PIK3R6: variants seen among roughly 807,000 people sequenced by gnomAD.
The protein encoded by PIK3R6 is phosphoinositide 3-kinase regulatory subunit 6.
Under a neutral mutation model 84.9 loss-of-function variants are expected in PIK3R6, and 91 were observed. The observed-to-expected ratio is 1.07, with a 90% CI of 0.90 to 1.28. The LOEUF is 1.28. Among genes scored for constraint, PIK3R6 ranks in the 50% most tolerant of loss-of-function variants. PIK3R6 has a pLI of 0.00. For missense variants in PIK3R6, 996 were observed against 985.1 expected, an observed-to-expected ratio of 1.01 and a Z score of -0.15; for synonymous variants, 416 against 411.4, an observed-to-expected ratio of 1.01 and a Z score of -0.13.
chr17:8,822,054 T>C (rs2087752011), intron 16 of PIK3R6, 118 bp from the exon 17 acceptor site: 4 of 151,816 alleles, frequency 2.6e-5, no homozygotes, highest in East Asian at 3.2e-4. Flanking sequence ...GTGAGAGTCT[T>C]TTTTTTTTTT....
chr17:8,828,576 T>C lies in PIK3R6; in HGVS notation c.1304A>G (p.His435Arg). The part of the protein sequence containing the change: ...RMLGRLAQAY[H>R]RLRKRETQKF... Reference sequence around the variant, plus strand: ...CACGTCGGGGCCCCACCTGAGTCTGTGGTAGGCCTGGGCCAGGCGCCCCAG... The same window carrying C: ...CACGTCGGGGCCCCACCTGAGTCTGCGGTAGGCCTGGGCCAGGCGCCCCAG... The change falls in exon 11 of 20, where the codon CAC becomes CGC. Residue 435 changes from histidine to arginine, a missense_variant. His to Arg is a conservative substitution (Grantham distance 29). Coordinates refer to ENST00000619866, the MANE Select transcript of PIK3R6 (RefSeq NM_001010855.4). 6.2e-7 allele frequency: 1 copy of C among 1,612,450 alleles called. No homozygotes were observed. The highest frequency in any genetic ancestry group is 1.1e-5 in the South Asian group (1 of 91,024).
At position 8,803,236 on chromosome 17, in the gene PIK3R6, GT is replaced by G; in HGVS notation, c.*36del. 6.2e-7 allele frequency: 1 copy of G among 1,610,332 alleles called. No individual in the cohort carries two copies. Among genetic ancestry groups the G allele is most frequent in the South Asian group, 1.1e-5 (1 of 90,888 alleles). On this transcript the variant is annotated 3_prime_UTR_variant, in exon 20 of 20. Transcript: ENST00000619866. This position sits in a 1 kb window ranked among gnomAD's most constrained non-coding sequence, Gnocchi z 5.0. ...GTGAGTGTTTGGAGTTGGTGGGGTA[GT>G]GTATCCTTCCTCCTGGGCCTGCTGT...
In PIK3R6 at chr17:8,815,530, C is replaced by T. The variant is rs538487134; in HGVS notation, c.1995+3553G>A. Among the ~76,000 whole-genome samples the T allele has an allele frequency of 4.6e-5, 7 of 151,558 alleles. No homozygotes were observed. The South Asian group carries it at 8.3e-4, about 18-fold the overall frequency. On this transcript the variant is annotated intron_variant, in intron 18 of 19. Coordinates refer to ENST00000619866, the MANE Select transcript of PIK3R6 (RefSeq NM_001010855.4). Reference sequence around the variant, plus strand: ...AGAAAAAAAAAAAAAAGGTTGATCACGTACCAGGCAACAAAGAAAATGTCA... The same window carrying T: ...AGAAAAAAAAAAAAAAGGTTGATCATGTACCAGGCAACAAAGAAAATGTCA...
chr17:8,849,812 G>A lies in PIK3R6; in HGVS notation c.-18C>T, dbSNP rs2088900567. Reference sequence around the variant, plus strand: ...CTCTCCATGGGAGCCTTTGGGTGTAGGAGGAGGAGGATGTGGTTGTCTCGG... The same window carrying A: ...CTCTCCATGGGAGCCTTTGGGTGTAAGAGGAGGAGGATGTGGTTGTCTCGG... On this transcript the variant is annotated 5_prime_UTR_variant, in exon 2 of 20. Coordinates refer to ENST00000619866, the MANE Select transcript of PIK3R6 (RefSeq NM_001010855.4). 2 of 1,607,518 alleles carry A rather than the reference G, an allele frequency of 1.2e-6. No homozygotes were observed. The highest frequency in any genetic ancestry group is 2.2e-5 in the East Asian group (1 of 44,674).
rs1027983275 is a variant in PIK3R6, at chr17:8,836,852, G to A, written c.330C>T (p.Thr110=). 5 of 1,584,136 alleles carry A rather than the reference G, an allele frequency of 3.2e-6. No individual in the cohort carries two copies. Among genetic ancestry groups the A allele is most frequent in the South Asian group, 2.3e-5 (2 of 86,820 alleles). Residue 110 remains threonine, a synonymous_variant, in exon 6 of 20, where the codon ACC becomes ACT. Coordinates refer to ENST00000619866, the MANE Select transcript of PIK3R6 (RefSeq NM_001010855.4). ...AFCTRLLTLP[T]PYCTVALDCA... ...AGTCCAAGGCGACTGTGCAGTAGGGGGTGGGCAGGGTCAGTAACCTTGTGC... is the reference window on the plus strand; with the variant it reads ...AGTCCAAGGCGACTGTGCAGTAGGGAGTGGGCAGGGTCAGTAACCTTGTGC...
chr17:8,825,278 C>A (rs1246860026), intron 13 of PIK3R6, among the ~76,000 whole-genome samples: 1 of 152,042 alleles, frequency 6.6e-6, no homozygotes, highest in African/African-American at 2.4e-5. Flanking sequence ...AAATTTCAAT[C>A]GAAATCCAAT....
At chr17:8,858,088 T>G (rs931128289) in intron 1 of PIK3R6, among the ~76,000 whole-genome samples, 7 of 152,164 alleles carry the variant, frequency 4.6e-5, no homozygotes, top group Admixed American at 6.5e-5. Flanking sequence ...ACCTTTGTGG[T>G]CGATTTCCTG....
In PIK3R6 at chr17:8,823,102, G is replaced by T; in HGVS notation, c.1627-16C>A. The stretch of plus-strand genomic sequence containing the variant: ...TGAAAAAGATCTGGAGAGAGGAAGG[G>T]AGGGTGGCATTTCCTGGTGTGATTT... On this transcript the variant is annotated splice_polypyrimidine_tract_variant and intron_variant, in intron 14 of 19. Coordinates refer to ENST00000619866, the MANE Select transcript of PIK3R6 (RefSeq NM_001010855.4). 6.4e-7 allele frequency: 1 copy of T among 1,559,692 alleles called. No individual in the cohort carries two copies. Among genetic ancestry groups the T allele is most frequent in the Non-Finnish European group, 8.8e-7 (1 of 1,130,804 alleles).
intron 13 of PIK3R6, among the ~76,000 whole-genome samples, chr17:8,824,650 G>A (rs142053214): frequency 4.1e-4 from 62 of 152,316 alleles, no homozygotes; most frequent in Non-Finnish European, 7.1e-4. Context: ...AAGGAGAAGG[G>A]GAAAACCAAA....
chr17:8,821,118 TG>T (rs1326834416), intron 17 of PIK3R6, among the ~76,000 whole-genome samples: 2 of 152,210 alleles, frequency 1.3e-5, no homozygotes, highest in Non-Finnish European at 2.9e-5. Context: ...TGCTCCAAAA[TG>T]ATCTTCTACA....
rs1341959617 is a variant in PIK3R6 at position 8,803,941 on chromosome 17, G to A, written c.2108+100C>T. On this transcript the variant is annotated intron_variant, in intron 19 of 19. Coordinates refer to ENST00000619866, the MANE Select transcript of PIK3R6 (RefSeq NM_001010855.4). This position sits in a 1 kb window ranked among gnomAD's most constrained non-coding sequence, Gnocchi z 5.0. The stretch of plus-strand genomic sequence containing the variant: ...CCTGGCCACAGGATCTACCTCCGAT[G>A]AGGTGCCTTGAGCTAGAGGCAGGAG... The A allele has an allele frequency of 9.8e-7, 1 of 1,022,012 alleles. No homozygotes were observed. The highest frequency in any genetic ancestry group is 1.4e-5 in the South Asian group (1 of 71,308). 63.3% of individuals were successfully genotyped at this position (1,022,012 alleles called of 1,614,324 possible).
Position 8,836,902 on chromosome 17 carries a change from G to T in PIK3R6, c.280C>A (p.Leu94Ile), listed in dbSNP as rs1308641325. The T allele has an allele frequency of 1.3e-6, 2 of 1,553,400 alleles. No individual in the cohort carries two copies. Among genetic ancestry groups the T allele is most frequent in the Admixed American group, 2.0e-5 (1 of 51,034 alleles). Residue 94 changes from leucine (L) to isoleucine (I), a missense_variant, in exon 6 of 20, where the codon CTC (leucine) becomes ATC (isoleucine). By Grantham distance (5) the Leu-to-Ile change is conservative. Transcript: ENST00000619866. ...CAAAAGGCATAGATTCTCTGGTAGA[G>T]CTCTTCTGTGATTCCTGTGGCCTGG... The part of the protein sequence containing the change: ...LTKATGITEE[L>I]YQRIYAFCTR...
At chr17:8,845,191 T>A (rs1214771151) in intron 2 of PIK3R6, among the ~76,000 whole-genome samples, 1 of 152,196 alleles carries the variant, frequency 6.6e-6, no homozygotes, top group Non-Finnish European at 1.5e-5. Context: ...ATATACCCAG[T>A]AGTGGGATTG....
chr17:8,803,227 G>T lies in PIK3R6; in HGVS notation c.*46C>A. 6.2e-7 allele frequency: 1 copy of T among 1,607,048 alleles called. No individual in the cohort carries two copies. Among genetic ancestry groups the T allele is most frequent in the African/African-American group, 1.3e-5 (1 of 74,812 alleles). ...GCTGTTGGTGTGAGTGTTTGGAGTT[G>T]GTGGGGTAGTGTATCCTTCCTCCTG... On this transcript the variant is annotated 3_prime_UTR_variant, in exon 20 of 20. Transcript: ENST00000619866. The surrounding 1 kb of genome is among the most constrained non-coding windows in gnomAD (Gnocchi z 5.0).
At position 8,839,730 on chromosome 17, in the gene PIK3R6, T is replaced by G; in HGVS notation, c.14-33A>C. On this transcript the variant is annotated intron_variant, in intron 2 of 19. Coordinates refer to ENST00000619866, the MANE Select transcript of PIK3R6 (RefSeq NM_001010855.4). This position sits in a 1 kb window ranked among gnomAD's most constrained non-coding sequence, Gnocchi z 4.2. ...GTGGTAGGGGTGGGAGGAAACTCAGTCCACTGAACCTCACCCTCGTCCCAC... is the reference window on the plus strand; with the variant it reads ...GTGGTAGGGGTGGGAGGAAACTCAGGCCACTGAACCTCACCCTCGTCCCAC... The G allele has an allele frequency of 6.6e-7, 1 of 1,517,630 alleles. No individual in the cohort carries two copies. Among genetic ancestry groups the G allele is most frequent in the Non-Finnish European group, 8.9e-7 (1 of 1,117,932 alleles). 94.0% of individuals were successfully genotyped at this position (1,517,630 alleles called of 1,614,324 possible). A position where few individuals can be genotyped will look rare whatever the true frequency, so the allele number is the denominator to read the frequency against.
intron 18 of PIK3R6, among the ~76,000 whole-genome samples, chr17:8,817,908 GTT>G (rs60604295): frequency 2.9e-5 from 4 of 136,044 alleles, no homozygotes; most frequent in East Asian, 2.1e-4. Flanking sequence ...TGGCAGAGTT[GTT>G]TTTTTTTTTT....
In PIK3R6 at chr17:8,839,587, C is replaced by A; in HGVS notation, c.97+27G>T. On this transcript the variant is annotated intron_variant, in intron 3 of 19. Transcript: ENST00000619866. The surrounding 1 kb of genome is among the most constrained non-coding windows in gnomAD (Gnocchi z 4.2). The stretch of plus-strand genomic sequence containing the variant: ...GGGGTTGGGTGGAGGTCAGAGGGAC[C>A]AGCTGCTGCTGCCAGCTGGCTCTTA... The A allele has an allele frequency of 6.5e-7, 1 of 1,543,300 alleles. No individual in the cohort carries two copies. Among genetic ancestry groups the A allele is most frequent in the Non-Finnish European group, 8.8e-7 (1 of 1,140,070 alleles).
intron 17 of PIK3R6, among the ~76,000 whole-genome samples, chr17:8,820,681 A>G (rs552535838): frequency 1.1e-4 from 17 of 152,244 alleles, no homozygotes; most frequent in Non-Finnish European, 1.8e-4. Flanking sequence ...AAGCAATTTT[A>G]TTAGGAAGTG....
In PIK3R6 at chr17:8,822,795, C is replaced by T. The variant is rs145429673; in HGVS notation, c.1718-138G>A. ...TCCCTGGATGGAAAGGTGACACCTC[C>T]GGGGGCCAGGATGCCTTTCAGTCTT... is the stretch of plus-strand genomic sequence containing the variant. On this transcript the variant is annotated intron_variant, in intron 15 of 19. Coordinates refer to ENST00000619866, the MANE Select transcript of PIK3R6 (RefSeq NM_001010855.4). The T allele has an allele frequency of 1.7e-3, 1,768 of 1,030,904 alleles. 16 individuals carry two copies. In the African/African-American group the frequency reaches 0.026, roughly 15 times the overall value. The allele number at this position is 1,030,904 out of a possible 1,614,324, so 63.9% of individuals were successfully genotyped here.
Sources: allele counts gnomAD v4.1 joint callset (sites outside exome capture counted in the v4.1 genomes callset), GRCh38; gene constraint gnomAD v4.1.1; non-coding constraint Gnocchi (gnomAD v3.1); transcripts MANE v1.5; gene names NCBI Gene and HGNC (gene_info 2026-07-23, HGNC 2026-07-21).